The following TERT variants were observed in gnomAD, a reference collection of about 807,000 sequenced individuals.
The protein encoded by TERT is telomerase reverse transcriptase.
TERT carries 42 observed loss-of-function variants against 104.0 expected under a neutral mutation model. The ratio of observed to expected loss-of-function variants is 0.40; its 90% CI spans 0.32 to 0.52. The LOEUF (loss-of-function observed/expected upper bound fraction) is 0.52, where lower values mean the gene tolerates loss of function less well. TERT is among the 20% of genes least tolerant of loss of function. The pLI, the probability that TERT is intolerant of heterozygous loss-of-function variation, is 0.43. For missense variants in TERT, 1,101 were observed against 1,610.3 expected (o/e 0.68, Z 5.41); for synonymous variants, 781 against 725.6 (o/e 1.08, Z -1.23).
At chr5:1,267,924 G>GTA (rs1748732558) in intron 9 of TERT, among the ~76,000 whole-genome samples, 1 of 152,008 alleles carries the variant, frequency 6.6e-6, no homozygotes, top group Admixed American at 6.5e-5. Context: ...CATGGCACAT[G>GTA]TATACATATG....
chr5:1,290,127 C>T (rs1434471396), intron 2 of TERT, among the ~76,000 whole-genome samples: 1 of 70,772 alleles, frequency 1.4e-5, no homozygotes, highest in Non-Finnish European at 2.6e-5. Context: ...CAGGGACACC[C>T]GGGGGCCGCG....
intron 3 of TERT, among the ~76,000 whole-genome samples, chr5:1,281,671 C>A (rs888332875): frequency 2.6e-5 from 4 of 152,244 alleles, no homozygotes; most frequent in African/African-American, 9.6e-5. Context: ...TGGTGGAACT[C>A]TCCTATCCCC....
In TERT at chr5:1,287,999, ATAACT is replaced by A. The variant is rs1466608043; in HGVS notation, c.1573+5309_1573+5313del. Among the ~76,000 whole-genome samples the A allele has an allele frequency of 2.0e-5, 3 of 152,142 alleles. No homozygotes were observed. On this transcript the variant is annotated intron_variant, in intron 2 of 15. Transcript: ENST00000310581. This position sits in a 1 kb window ranked among gnomAD's most constrained non-coding sequence, Gnocchi z 4.3. ...TGAGTTAGAAATCAATAATAAAATG[ATAACT>A]TAAAATACTCTACGTATCTTGATAC...
Position 1,279,476 on chromosome 5 carries a change from G to A in TERT, c.1951-6C>T, listed in dbSNP as rs200461281. The A allele has an allele frequency of 6.9e-5, 107 of 1,548,568 alleles. No individual in the cohort carries two copies. In the African/African-American group the frequency reaches 7.5e-4, roughly 11 times the overall value. ...CTCGAGGTGAGACGCTCGGCCTGGCGGGGACAGCATGGGAGACAGTCAGGA... is the reference window on the plus strand; with the variant it reads ...CTCGAGGTGAGACGCTCGGCCTGGCAGGGACAGCATGGGAGACAGTCAGGA... On this transcript the variant is annotated splice_region_variant and splice_polypyrimidine_tract_variant and intron_variant, in intron 4 of 15. Transcript: ENST00000310581.
Position 1,270,746 on chromosome 5 carries a change from CGT to C in TERT, c.2468+371_2468+372del, listed in dbSNP as rs1748962953. Among the ~76,000 whole-genome samples the C allele has an allele frequency of 6.6e-6, 1 of 152,232 alleles. No individual in the cohort carries two copies. Among genetic ancestry groups the C allele is most frequent in the African/African-American group, 2.4e-5 (1 of 41,458 alleles). ...TTGTATCGGGAGAGAGAGATACAAG[CGT>C]GTGAGAGCCGGGTGTCCAGCGTCAG... On this transcript the variant is annotated intron_variant, in intron 8 of 15. Transcript: ENST00000310581. The surrounding 1 kb of genome is among the most constrained non-coding windows in gnomAD (Gnocchi z 8.3).
In TERT at chr5:1,255,499, T is replaced by A. The variant is rs1561187289; in HGVS notation, c.3033-88A>T. The A allele has an allele frequency of 3.2e-6, 5 of 1,563,948 alleles. No homozygotes were observed. Among genetic ancestry groups the A allele is most frequent in the Non-Finnish European group, 4.4e-6 (5 of 1,138,596 alleles). On this transcript the variant is annotated intron_variant, in intron 13 of 15. Coordinates refer to ENST00000310581, the MANE Select transcript of TERT (RefSeq NM_198253.3). This position sits in a 1 kb window ranked among gnomAD's most constrained non-coding sequence, Gnocchi z 6.9. Reference sequence around the variant, plus strand: ...GGGCATGGGCCCACCGGTGCCTGTGTGCGTGCATGAATGCACATGCATGGG... The same window carrying A: ...GGGCATGGGCCCACCGGTGCCTGTGAGCGTGCATGAATGCACATGCATGGG...
chr5:1,291,309 G>C (rs183396623), intron 2 of TERT, among the ~76,000 whole-genome samples: 1 of 14,660 alleles, frequency 6.8e-5, no homozygotes. Context: ...ACCCAGGGAC[G>C]GTGCCTCACT....
rs1363894629 is a variant in TERT at position 1,262,978 on chromosome 5, G to C, written c.2843+1426C>G. 6.6e-6 allele frequency among the ~76,000 whole-genome samples: 1 copy of C among 152,230 alleles called. No homozygotes were observed. Among genetic ancestry groups the C allele is most frequent in the Non-Finnish European group, 1.5e-5 (1 of 68,052 alleles). ...GGAGGCCAGGACCAGGTAAGGCTGTGAGAGGGAAGCAGGGACTGTGGGGAG... is the reference window on the plus strand; with the variant it reads ...GGAGGCCAGGACCAGGTAAGGCTGTCAGAGGGAAGCAGGGACTGTGGGGAG... On this transcript the variant is annotated intron_variant, in intron 11 of 15. Coordinates refer to ENST00000310581, the MANE Select transcript of TERT (RefSeq NM_198253.3). The surrounding 1 kb of genome is among the most constrained non-coding windows in gnomAD (Gnocchi z 5.6).
At position 1,274,679 on chromosome 5, in the gene TERT, C is replaced by T. The variant is rs1175071141; in HGVS notation, c.2287-2399G>A. Among the ~76,000 whole-genome samples the T allele has an allele frequency of 2.6e-5, 4 of 152,224 alleles. No homozygotes were observed. Among genetic ancestry groups the T allele is most frequent in the Non-Finnish European group, 5.9e-5 (4 of 68,042 alleles). ...GGGCTCAGGCGGGAACGCTGGCTCC[C>T]CACACCCCACCTAGCCTCCCGCTGT... On this transcript the variant is annotated intron_variant, in intron 6 of 15. Transcript: ENST00000310581. This position sits in a 1 kb window ranked among gnomAD's most constrained non-coding sequence, Gnocchi z 5.3.
rs957044691 is a variant in TERT, at chr5:1,269,991, C to T, written c.2468+1128G>A. Among the ~76,000 whole-genome samples the T allele has an allele frequency of 6.6e-6, 1 of 152,112 alleles. No homozygotes were observed. Among genetic ancestry groups the T allele is most frequent in the Non-Finnish European group, 1.5e-5 (1 of 68,018 alleles). ...AAAGCCCTGCCACACGTGGACGGTA[C>T]GTGACTTGATCCATCTTAATAAAAT... On this transcript the variant is annotated intron_variant, in intron 8 of 15. Coordinates refer to ENST00000310581, the MANE Select transcript of TERT (RefSeq NM_198253.3). The surrounding 1 kb of genome is among the most constrained non-coding windows in gnomAD (Gnocchi z 9.0).
At chr5:1,267,793 T>C (rs940184147) in intron 9 of TERT, among the ~76,000 whole-genome samples, 1 of 151,954 alleles carries the variant, frequency 6.6e-6, no homozygotes, top group South Asian at 2.1e-4. Context: ...ATGAGAACAC[T>C]TGGACACAGG....
At position 1,261,794 on chromosome 5, in the gene TERT, G is replaced by A. The variant is rs539842944; in HGVS notation, c.2844-1194C>T. On this transcript the variant is annotated intron_variant, in intron 11 of 15. Coordinates refer to ENST00000310581, the MANE Select transcript of TERT (RefSeq NM_198253.3). The surrounding 1 kb of genome is among the most constrained non-coding windows in gnomAD (Gnocchi z 7.4). ...TGGGTCTGACTTGTGTGGGGTCCTC[G>A]GGCAGAGCAAGGGCCCCGGAGCAGG... Among the ~76,000 whole-genome samples the A allele has an allele frequency of 1.1e-4, 16 of 152,198 alleles. No homozygotes were observed. The highest frequency in any genetic ancestry group is 2.2e-4 in the African/African-American group (9 of 41,540).
chr5:1,255,950 G>C lies in TERT; in HGVS notation c.3033-539C>G, dbSNP rs1747701131. On this transcript the variant is annotated intron_variant, in intron 13 of 15. Coordinates refer to ENST00000310581, the MANE Select transcript of TERT (RefSeq NM_198253.3). This position sits in a 1 kb window ranked among gnomAD's most constrained non-coding sequence, Gnocchi z 6.9. Reference sequence around the variant, plus strand: ...CTCACTGACACCGAGACACCGACTTGGCTTCTGTGTGTAGGTTAAGTTCCT... The same window carrying C: ...CTCACTGACACCGAGACACCGACTTCGCTTCTGTGTGTAGGTTAAGTTCCT... 6.6e-6 allele frequency among the ~76,000 whole-genome samples: 1 copy of C among 151,866 alleles called. No individual in the cohort carries two copies. The highest frequency in any genetic ancestry group is 1.5e-5 in the Non-Finnish European group (1 of 67,994).
rs1318629208 is a variant in TERT, at chr5:1,261,071, T to C, written c.2844-471A>G. ...TGGCACCAGCTAAACAGGGCTCCAGTGAGTGCACGTGGCACACATGGTGTC... is the reference window on the plus strand; with the variant it reads ...TGGCACCAGCTAAACAGGGCTCCAGCGAGTGCACGTGGCACACATGGTGTC... On this transcript the variant is annotated intron_variant, in intron 11 of 15. Coordinates refer to ENST00000310581, the MANE Select transcript of TERT (RefSeq NM_198253.3). The surrounding 1 kb of genome is among the most constrained non-coding windows in gnomAD (Gnocchi z 7.4). 6.6e-6 allele frequency among the ~76,000 whole-genome samples: 1 copy of C among 152,102 alleles called. No homozygotes were observed. The highest frequency in any genetic ancestry group is 1.5e-5 in the Non-Finnish European group (1 of 68,004).
chr5:1,294,844 G>T lies in TERT; in HGVS notation c.146C>A (p.Ala49Glu). The part of the protein sequence containing the change: ...VQRGDPAAFR[A>E]LVAQCLVCVP... ...GCACACCAGGCACTGGGCCACCAGC[G>T]CGCGGAAAGCCGCCGGGTCCCCGCG... Residue 49 changes from alanine to glutamate, a missense_variant, in exon 1 of 16, where the codon GCG (alanine) becomes GAG (glutamate). By Grantham distance (107) the Ala-to-Glu change is moderately radical (BLOSUM62 -1). Around this residue, in one of 5 missense-constraint regions of TERT, gnomAD observed 87 missense variants for 145.4 expected, o/e 0.60. Transcript: ENST00000310581. 1.4e-6 allele frequency: 2 copies of T among 1,460,184 alleles called. No homozygotes were observed. Among genetic ancestry groups the T allele is most frequent in the Non-Finnish European group, 1.8e-6 (2 of 1,114,886 alleles). The allele number at this position is 1,460,184 out of a possible 1,614,324, so 90.5% of individuals were successfully genotyped here. A position where few individuals can be genotyped will look rare whatever the true frequency, so the allele number is the denominator to read the frequency against.
chr5:1,271,618 C>T (rs1749041768), intron 7 of TERT, among the ~76,000 whole-genome samples: 1 of 152,072 alleles, frequency 6.6e-6, no homozygotes, highest in African/African-American at 2.4e-5. Flanking sequence ...CACGACTGTC[C>T]CCTAGAGCCG....
Position 1,284,589 on chromosome 5 carries a change from T to C in TERT, c.1574-1965A>G, listed in dbSNP as rs575074607. Among the ~76,000 whole-genome samples the C allele has an allele frequency of 7.0e-4, 98 of 140,790 alleles. 2 individuals are homozygous for C. The highest frequency in any genetic ancestry group is 5.4e-3 in the South Asian group (23 of 4,298). The allele number at this position is 140,790 out of a possible 152,430, so 92.4% of individuals were successfully genotyped here. On this transcript the variant is annotated intron_variant, in intron 2 of 15. Transcript: ENST00000310581. ...GCGACCTCACCCCGGACCTGCACCA[T>C]CTGGACACTGCACATCCAGCTCACC...
intron 10 of TERT, among the ~76,000 whole-genome samples, chr5:1,266,108 C>T (rs9282869): frequency 1.3e-5 from 2 of 152,194 alleles, no homozygotes; most frequent in Admixed American, 6.5e-5. Flanking sequence ...GCCGCCTCGG[C>T]CCTGCAGGCC....
chr5:1,294,054 G>T lies in TERT; in HGVS notation c.832C>A (p.Pro278Thr). Residue 278 changes from proline to threonine, a missense_variant, in exon 2 of 16, where the codon CCC becomes ACC. Physicochemically the swap from Pro to Thr is conservative, Grantham distance 38. Transcript: ENST00000310581. ...RGFCVVSPAR[P>T]AEEATSLEGA... Reference sequence around the variant, plus strand: ...TCCAAAGAGGTGGCTTCTTCGGCGGGTCTGGCAGGTGACACCACACAGAAA... The same window carrying T: ...TCCAAAGAGGTGGCTTCTTCGGCGGTTCTGGCAGGTGACACCACACAGAAA... 1 of 1,591,108 alleles carries T rather than the reference G, an allele frequency of 6.3e-7. No individual in the cohort carries two copies. Among genetic ancestry groups the T allele is most frequent in the South Asian group, 1.1e-5 (1 of 88,600 alleles).
Sources: gnomAD v4.1 joint callset for allele counts (sites outside exome capture counted in the v4.1 genomes callset) on GRCh38, gnomAD v4.1.1 for gene constraint, gnomAD v4.1.1 regional missense constraint, Gnocchi (gnomAD v3.1) non-coding constraint, MANE v1.5 for transcripts, NCBI Gene and HGNC (gene_info 2026-07-23, HGNC 2026-07-21) for gene names.